HAP1: variants seen among roughly 807,000 people sequenced by gnomAD.
HAP1 encodes huntingtin-associated protein 1.
A neutral mutation model predicts 60.3 loss-of-function variants in HAP1; 59 were observed. The ratio of observed to expected loss-of-function variants is 0.98; its 90% CI spans 0.79 to 1.22. The LOEUF is 1.22. HAP1 is among the 50% of genes most tolerant of loss of function. The pLI is 0.00. For synonymous variants in HAP1, 346 were observed against 330.6 expected (o/e 1.05, Z -0.50); for missense variants, 825 against 785.3 (o/e 1.05, Z -0.60).
downstream of HAP1, chr17:41,721,568 TTTC>T (rs782040061): frequency 1.5e-5 from 3 of 195,772 alleles, no homozygotes; most frequent in African/African-American, 7.0e-5. Flanking sequence ...TGTCTGTCAT[TTTC>T]TTTTCTCTTT....
At position 41,732,095 on chromosome 17, in the gene HAP1, C is replaced by T; in HGVS notation, c.738G>A (p.Val246=). 1 of 1,613,940 alleles carries T rather than the reference C, an allele frequency of 6.2e-7. No homozygotes were observed. The highest frequency in any genetic ancestry group is 8.5e-7 in the Non-Finnish European group (1 of 1,179,854). ...KEEILYLRHQ[V]NLRDELLQLY... is the part of the protein sequence containing the mutation. ...GCTGGAGGAGCTCATCCCGCAAGTTCACCTGGTGTCTGAGGTATAAAATCT... is the reference window on the plus strand; with the variant it reads ...GCTGGAGGAGCTCATCCCGCAAGTTTACCTGGTGTCTGAGGTATAAAATCT... Residue 246 remains valine, a synonymous_variant, in exon 4 of 11, where the codon GTG becomes GTA. Coordinates refer to ENST00000347901, the MANE Select transcript of HAP1 (RefSeq NM_177977.3).
intron 3 of HAP1, 55 bp from the exon 4 acceptor site, chr17:41,732,173 T>C: frequency 6.2e-7 from 1 of 1,609,666 alleles, no homozygotes; most frequent in Non-Finnish European, 8.5e-7. Flanking sequence ...CAGGAGAGGG[T>C]CCTGGCATGA....
intron 9 of HAP1, 33 bp downstream of exon 9, chr17:41,727,020 C>T: frequency 9.0e-7 from 1 of 1,107,872 alleles, no homozygotes; most frequent in Non-Finnish European, 1.3e-6. Context: ...AAGGCCATGG[C>T]CTATGGGGCA....
Position 41,728,257 on chromosome 17 carries a change from GC to G in HAP1, c.1143del (p.Gln381HisfsTer12). Reference protein sequence around the residue: ...VLRLENYERQQQEVARLQAQV... With the variant: ...VLRLENYERQXQEVARLQAQV... ...TGGGCCTGCAGCCGAGCGACCTCCT[GC>G]TGCTGCCGTTCATAGTTTTCCAGCC... On this transcript the variant is annotated frameshift_variant, in exon 7 of 11. Transcript: ENST00000347901. LOFTEE classifies it high-confidence loss of function. 6.2e-7 allele frequency: 1 copy of G among 1,613,524 alleles called. No individual in the cohort carries two copies. Among genetic ancestry groups the G allele is most frequent in the Non-Finnish European group, 8.5e-7 (1 of 1,179,998 alleles).
At chr17:41,730,524 G>C (rs1360513662) in intron 6 of HAP1, 2 of 152,266 alleles carry the variant, frequency 1.3e-5, no homozygotes, top group Non-Finnish European at 2.9e-5. Context: ...GAGTGGGGAG[G>C]GGGAAAAAGA....
intron 1 of HAP1, among the ~76,000 whole-genome samples, chr17:41,733,050 T>TTG (rs1912372679): frequency 1.6e-5 from 1 of 63,506 alleles, no homozygotes; most frequent in African/African-American, 7.4e-5. Flanking sequence ...TTTTTTTTTT[T>TTG]TTGGTTTTTT....
At chr17:41,732,599 TAAG>T (rs879971960) in intron 2 of HAP1, 117 bp downstream of exon 2, 2 of 1,006,868 alleles carry the variant, frequency 2.0e-6, no homozygotes, top group Non-Finnish European at 3.2e-6. Flanking sequence ...CTGTCTTCCA[TAAG>T]AAGGACCCTA....
At chr17:41,732,882 G>A (rs1050279554) in intron 1 of HAP1, 84 bp from the exon 2 acceptor site, 16 of 817,450 alleles carry the variant, frequency 2.0e-5, no homozygotes, top group South Asian at 5.4e-5. Flanking sequence ...GCTGTTTCCC[G>A]TCCTATCGTC....
intron 6 of HAP1, among the ~76,000 whole-genome samples, chr17:41,728,640 G>A (rs537399891): frequency 2.0e-5 from 3 of 152,278 alleles, no homozygotes; most frequent in Non-Finnish European, 2.9e-5. Context: ...TACAGGGCAG[G>A]GGCATCACAG....
downstream of HAP1, chr17:41,720,903 G>C (rs149766056): frequency 6.6e-6 from 1 of 151,758 alleles, no homozygotes; most frequent in South Asian, 2.1e-4. Context: ...GGATTCAAGC[G>C]ATTCTCCTGT....
chr17:41,727,795 C>A lies in HAP1; in HGVS notation c.1242G>T (p.Ser414=). Residue 414 remains serine, a synonymous_variant, in exon 8 of 11, where the codon TCG becomes TCT. Transcript: ENST00000347901. The stretch of plus-strand genomic sequence containing the variant: ...GGAGCTGCATCTGGATTTCCTTCTC[C>A]GAAGCCAGCTGCTTCTGCAACTTTT... ...ETEKLQKQLA[S]EKEIQMQLQE... is the part of the protein sequence containing the mutation. 1 of 1,611,880 alleles carries A rather than the reference C, an allele frequency of 6.2e-7. No homozygotes were observed. Among genetic ancestry groups the A allele is most frequent in the Non-Finnish European group, 8.5e-7 (1 of 1,178,536 alleles).
intron 10 of HAP1, among the ~76,000 whole-genome samples, 172 bp from the exon 11 acceptor site, chr17:41,725,326 G>C (rs1233409970): frequency 1.3e-5 from 2 of 152,018 alleles, no homozygotes; most frequent in East Asian, 1.9e-4. Context: ...CATCCCCCTG[G>C]TGGGAGGGAG....
chr17:41,731,663 T>TC lies in HAP1; in HGVS notation c.976dup (p.Glu326GlyfsTer17). 6.2e-7 allele frequency: 1 copy of TC among 1,613,926 alleles called. No individual in the cohort carries two copies. The highest frequency in any genetic ancestry group is 8.5e-7 in the Non-Finnish European group (1 of 1,179,834). On this transcript the variant is annotated frameshift_variant, in exon 5 of 11. Transcript: ENST00000347901. LOFTEE classifies it high-confidence loss of function. ...CTCTTCTCTCAGCTGATGATTCTCC[T>TC]CCTCCAGCAGCCTCAGCTTCTCCTG... is the stretch of plus-strand genomic sequence containing the variant.
intron 4 of HAP1, 63 bp from the exon 5 acceptor site, chr17:41,731,806 C>G: frequency 3.3e-6 from 4 of 1,214,052 alleles, no homozygotes; most frequent in East Asian, 2.3e-5. Flanking sequence ...CCCAGCCCAC[C>G]AGGGCTAAGG....
In HAP1 at chr17:41,732,093, T is replaced by C; in HGVS notation, c.740A>G (p.Asn247Ser). Residue 247 changes from asparagine to serine, a missense_variant, in exon 4 of 11, where the codon AAC becomes AGC. Physicochemically the swap from Asn to Ser is conservative, Grantham distance 46 (BLOSUM62 1). Coordinates refer to ENST00000347901, the MANE Select transcript of HAP1 (RefSeq NM_177977.3). ...GAGCTGGAGGAGCTCATCCCGCAAG[T>C]TCACCTGGTGTCTGAGGTATAAAAT... is the stretch of plus-strand genomic sequence containing the variant. ...EEILYLRHQV[N>S]LRDELLQLYS... 2 of 1,613,824 alleles carry C rather than the reference T, an allele frequency of 1.2e-6. No individual in the cohort carries two copies. Among genetic ancestry groups the C allele is most frequent in the East Asian group, 2.2e-5 (1 of 44,894 alleles).
chr17:41,733,885 C>A (rs1312782804), intron 1 of HAP1, among the ~76,000 whole-genome samples: 3 of 151,804 alleles, frequency 2.0e-5, no homozygotes, highest in East Asian at 3.9e-4. Flanking sequence ...AGGAGAGGGG[C>A]GCTGAAGGGG....
chr17:41,725,162 G>T lies in HAP1; in HGVS notation c.1407-8C>A. On this transcript the variant is annotated splice_region_variant and splice_polypyrimidine_tract_variant and intron_variant, in intron 10 of 10. Transcript: ENST00000347901. The stretch of plus-strand genomic sequence containing the variant: ...CTGTAGCGAAAATCATACCTGGGCG[G>T]GAGATAGCGACATCTTTTGAGGGGC... 2 of 1,560,700 alleles carry T rather than the reference G, an allele frequency of 1.3e-6. No individual in the cohort carries two copies. The highest frequency in any genetic ancestry group is 1.7e-6 in the Non-Finnish European group (2 of 1,151,896).
rs1162563636 is a variant in HAP1 at position 41,729,549 on chromosome 17, C to CAAA, written c.1070-1221_1070-1219dup. Among the ~76,000 whole-genome samples the CAAA allele has an allele frequency of 1.3e-3, 83 of 63,108 alleles. 23 individuals are homozygous for CAAA. Among genetic ancestry groups the CAAA allele is most frequent in the African/African-American group, 4.7e-3 (69 of 14,572 alleles). The allele number at this position is 63,108 out of a possible 152,430, so 41.4% of individuals were successfully genotyped here. The stretch of plus-strand genomic sequence containing the variant: ...TGGGTTACAGAGGGAGCCTCCTTCT[C>CAAA]AAAAAAAAAAAAAAAAAAAAAAAAA... On this transcript the variant is annotated intron_variant, in intron 6 of 10. Coordinates refer to ENST00000347901, the MANE Select transcript of HAP1 (RefSeq NM_177977.3).
downstream of HAP1, among the ~76,000 whole-genome samples, chr17:41,718,739 G>A (rs1555586461): frequency 6.6e-6 from 1 of 152,188 alleles, no homozygotes. Context: ...AACGTCCTAC[G>A]TAAATGAAAT....
Sources: allele counts gnomAD v4.1 joint callset (sites outside exome capture counted in the v4.1 genomes callset), GRCh38; gene constraint gnomAD v4.1.1; transcripts MANE v1.5; gene names NCBI Gene and HGNC (gene_info 2026-07-23, HGNC 2026-07-21).